The following CFLAR variants were observed in gnomAD, a reference collection of about 807,000 sequenced individuals.
The protein encoded by CFLAR is CASP8 and FADD-like apoptosis regulator.
CFLAR carries 14 observed loss-of-function variants against 51.1 expected under a neutral mutation model. The ratio of observed to expected loss-of-function variants is 0.27; its 90% CI spans 0.18 to 0.43. CFLAR has a LOEUF of 0.43. CFLAR is among the 20% of genes least tolerant of loss of function. The pLI, the probability that CFLAR is intolerant of heterozygous loss-of-function variation, is 1.00. For synonymous variants in CFLAR, 210 were observed against 211.6 expected (o/e 0.99, Z 0.06); for missense variants, 390 against 566.5 (o/e 0.69, Z 3.16).
chr2:201,165,941 CT>C lies in CFLAR; in HGVS notation c.*1970del, dbSNP rs1442908907. ...AGCATCCTAAGGCAGAAGAATTTTTCTTAGTACAGAACAAAATGAAGTCTCC... is the reference window on the plus strand; with the variant it reads ...AGCATCCTAAGGCAGAAGAATTTTTCTAGTACAGAACAAAATGAAGTCTCC... On this transcript the variant is annotated 3_prime_UTR_variant, in exon 10 of 10. Transcript: ENST00000309955. 1 of 205,008 alleles carries C rather than the reference CT, an allele frequency of 4.9e-6. No individual in the cohort carries two copies. The highest frequency in any genetic ancestry group is 9.6e-6 in the Non-Finnish European group (1 of 104,506). The allele number at this position is 205,008 out of a possible 1,614,324, so 12.7% of individuals were successfully genotyped here. A position where few individuals can be genotyped will look rare whatever the true frequency, so the allele number is the denominator to read the frequency against.
chr2:201,149,697 C>A, intron 7 of CFLAR, 57 bp from the exon 8 acceptor site: 1 of 1,347,564 alleles, frequency 7.4e-7, no homozygotes, highest in Non-Finnish European at 1.1e-6. Context: ...ATGGGTGGGA[C>A]CTTATAGAAA....
rs1181856537 is a variant in CFLAR, at chr2:201,175,774, G to C, written c.*11801G>C. ...GACTGAGGGGCATAAGGCAGAAGGA[G>C]GGACCGAGGCAAGTTTCAGAGCAAC... is the stretch of plus-strand genomic sequence containing the variant. On this transcript the variant is annotated 3_prime_UTR_variant, in exon 10 of 10. Coordinates refer to ENST00000309955, the MANE Select transcript of CFLAR (RefSeq NM_003879.7). 2 of 152,004 alleles carry C rather than the reference G, an allele frequency of 1.3e-5. No homozygotes were observed. The highest frequency in any genetic ancestry group is 2.9e-5 in the Non-Finnish European group (2 of 68,016). 9.4% of individuals were successfully genotyped at this position (152,004 alleles called of 1,614,324 possible).
In CFLAR at chr2:201,176,295, C is replaced by T. The variant is rs868683418; in HGVS notation, c.*12322C>T. 1.5e-4 allele frequency: 2 copies of T among 13,740 alleles called. No individual in the cohort carries two copies. Among genetic ancestry groups the T allele is most frequent in the African/African-American group, 3.2e-4 (1 of 3,082 alleles). The allele number at this position is 13,740 out of a possible 1,614,324, so 0.9% of individuals were successfully genotyped here. ...TTCTATTGCGGGGGGGGGGGGCGGG[C>T]GGGGGAGCTGCCTGTCCCTGGCACC... On this transcript the variant is annotated 3_prime_UTR_variant, in exon 10 of 10. Transcript: ENST00000309955.
intron 8 of CFLAR, chr2:201,153,661 C>T (rs892519025): frequency 4.0e-5 from 6 of 151,874 alleles, no homozygotes; most frequent in African/African-American, 1.2e-4. Context: ...AATTGCCAGC[C>T]GAAATAAGGT....
At chr2:201,140,930 G>T (rs1016185652) in intron 5 of CFLAR, among the ~76,000 whole-genome samples, 22 of 152,092 alleles carry the variant, frequency 1.4e-4, no homozygotes, top group Non-Finnish European at 3.1e-4. Context: ...ACTACAAGAG[G>T]TTTTAAAAGT....
At chr2:201,162,978 T>C (rs1210824957) in intron 9 of CFLAR, 5 of 731,436 alleles carry the variant, frequency 6.8e-6, no homozygotes, top group Non-Finnish European at 1.3e-5. Context: ...TTTGTTCTTA[T>C]CCTTAATTGT....
intron 8 of CFLAR, among the ~76,000 whole-genome samples, chr2:201,155,275 T>C (rs1239310154): frequency 6.6e-6 from 1 of 152,124 alleles, no homozygotes; most frequent in East Asian, 1.9e-4. Context: ...AGTTTTTTTT[T>C]TTTTTGAGAC....
intron 8 of CFLAR, among the ~76,000 whole-genome samples, chr2:201,150,741 T>A (rs1941146394): frequency 6.6e-6 from 1 of 152,132 alleles, no homozygotes; most frequent in South Asian, 2.1e-4. Context: ...AAAGTGATAA[T>A]GTGCATCATT....
chr2:201,156,254 C>T (rs1310710181), intron 8 of CFLAR, among the ~76,000 whole-genome samples: 1 of 152,202 alleles, frequency 6.6e-6, no homozygotes, highest in Non-Finnish European at 1.5e-5. Flanking sequence ...CAGAGATTTG[C>T]AATGCATATT....
intron 1 of CFLAR, among the ~76,000 whole-genome samples, chr2:201,127,083 AAC>A (rs1415181099): frequency 1.3e-5 from 2 of 149,370 alleles, no homozygotes; most frequent in African/African-American, 2.5e-5. Flanking sequence ...AATTCTAGAA[AAC>A]ACACACAGGT....
intron 2 of CFLAR, among the ~76,000 whole-genome samples, chr2:201,132,161 C>A (rs1367168663): frequency 6.6e-6 from 1 of 151,974 alleles, no homozygotes; most frequent in African/African-American, 2.4e-5. Context: ...TCTTCAGGCC[C>A]TCTGGGAAGG....
chr2:201,137,450 G>A, intron 4 of CFLAR: 1 of 511,746 alleles, frequency 2.0e-6, no homozygotes. Flanking sequence ...GTTATGGAGG[G>A]AGGCTGTGCC....
chr2:201,138,231 C>T lies in CFLAR; in HGVS notation c.523+2124C>T. On this transcript the variant is annotated intron_variant, in intron 4 of 9. Transcript: ENST00000309955. This position sits in a 1 kb window ranked among gnomAD's most constrained non-coding sequence, Gnocchi z 4.0. Reference sequence around the variant, plus strand: ...ATGGCGATCTGATACACCGAGTTCCCTTGGGACGAGTCCAAGCCTATGACA... The same window carrying T: ...ATGGCGATCTGATACACCGAGTTCCTTTGGGACGAGTCCAAGCCTATGACA... The T allele has an allele frequency of 1.1e-6, 1 of 925,998 alleles. No homozygotes were observed. The highest frequency in any genetic ancestry group is 1.3e-5 in the South Asian group (1 of 77,546). 57.4% of individuals were successfully genotyped at this position (925,998 alleles called of 1,614,324 possible). A position where few individuals can be genotyped will look rare whatever the true frequency, so the allele number is the denominator to read the frequency against.
Position 201,160,415 on chromosome 2 carries a change from T to G in CFLAR, c.794-17T>G. The G allele has an allele frequency of 6.2e-7, 1 of 1,605,530 alleles. No homozygotes were observed. Among genetic ancestry groups the G allele is most frequent in the Non-Finnish European group, 8.5e-7 (1 of 1,176,674 alleles). ...ACTCCAGTGTTGTTTTCCGTGTTTG[T>G]TTTTTGTTTTCCCCAGAGCTTCTTC... is the stretch of plus-strand genomic sequence containing the variant. On this transcript the variant is annotated splice_polypyrimidine_tract_variant and intron_variant, in intron 8 of 9. Coordinates refer to ENST00000309955, the MANE Select transcript of CFLAR (RefSeq NM_003879.7).
intron 1 of CFLAR, among the ~76,000 whole-genome samples, chr2:201,120,376 T>C (rs946545666): frequency 6.6e-6 from 1 of 152,134 alleles, no homozygotes; most frequent in Non-Finnish European, 1.5e-5. Flanking sequence ...ACTTTCTTTT[T>C]TTGGCGATTT....
chr2:201,148,793 GC>G (rs1402570822), intron 6 of CFLAR: 7 of 487,200 alleles, frequency 1.4e-5, no homozygotes, highest in Non-Finnish European at 2.3e-5. Flanking sequence ...TTTCCAGATA[GC>G]CCCTGATAGC....
intron 2 of CFLAR, 41 bp downstream of exon 2, chr2:201,130,187 G>GGGGGGGGGGGGGGGGCA: frequency 3.4e-5 from 10 of 292,380 alleles, no homozygotes; most frequent in African/African-American, 4.9e-5. Context: ...GGGTGGGAGG[G>GGGGGGGGGGGGGGGGCA]AGTGAAGTGT....
chr2:201,117,136 T>C (rs1005288346), intron 1 of CFLAR: 3 of 152,200 alleles, frequency 2.0e-5, no homozygotes, highest in African/African-American at 7.2e-5. Context: ...AATTTCACAA[T>C]AGCCTGGTCA....
In CFLAR at chr2:201,129,760, A is replaced by G. The variant is rs2049064762; in HGVS notation, c.-106A>G. 1.9e-6 allele frequency: 2 copies of G among 1,061,014 alleles called. No homozygotes were observed. The highest frequency in any genetic ancestry group is 3.2e-5 in the African/African-American group (2 of 63,126). 65.7% of individuals were successfully genotyped at this position (1,061,014 alleles called of 1,614,324 possible). On this transcript the variant is annotated 5_prime_UTR_variant, in exon 2 of 10. An upstream start codon of the reference 5' UTR is lost. Coordinates refer to ENST00000309955, the MANE Select transcript of CFLAR (RefSeq NM_003879.7). ...CCCACTGGAAAGGATTCTGAAAGAA[A>G]TGAAGTCAGCCCTCAGAAATGAAGT...
Sources: gnomAD v4.1 joint callset for allele counts (sites outside exome capture counted in the v4.1 genomes callset) on GRCh38, gnomAD v4.1.1 for gene constraint, Gnocchi (gnomAD v3.1) non-coding constraint, MANE v1.5 for transcripts, NCBI Gene and HGNC (gene_info 2026-07-23, HGNC 2026-07-21) for gene names.